ABHD18: variants seen among roughly 807,000 people sequenced by gnomAD.
ABHD18 encodes the protein abhydrolase domain containing 18, also known as cardiolipin-specific deacylase, mitochondrial.
In ABHD18, 55 loss-of-function variants were observed where a neutral mutation model predicts 65.9. That is an observed-to-expected ratio of 0.84 (90% CI 0.67 to 1.05). ABHD18 has a LOEUF of 1.05. Among genes scored for constraint, ABHD18 ranks in the 50% least tolerant of loss-of-function variants. The pLI, the probability that ABHD18 is intolerant of heterozygous loss-of-function variation, is 0.00. For missense variants in ABHD18, 533 were observed against 558.5 expected (o/e 0.95, Z 0.46); for synonymous variants, 181 against 180.2 (o/e 1.00, Z -0.04).
intron 10 of ABHD18, among the ~76,000 whole-genome samples, chr4:128,026,672 T>G (rs780946645): frequency 7.9e-5 from 12 of 152,280 alleles, no homozygotes; most frequent in Non-Finnish European, 1.5e-4. Context: ...TATAACAAAG[T>G]TTATTTTTAC....
At chr4:128,011,816 G>C in intron 7 of ABHD18, 116 bp downstream of exon 7, 2 of 455,112 alleles carry the variant, frequency 4.4e-6, no homozygotes, top group Non-Finnish European at 3.7e-6. Flanking sequence ...ATTATGGGGG[G>C]GGGGAGTTCT....
At chr4:127,998,980 G>A (rs1472690599) in intron 4 of ABHD18, among the ~76,000 whole-genome samples, 2 of 151,972 alleles carry the variant, frequency 1.3e-5, no homozygotes, top group Admixed American at 6.6e-5. Flanking sequence ...CTATGGAAGC[G>A]ATATAGTTGT....
At chr4:127,970,670 A>C (rs988888680) in intron 1 of ABHD18, among the ~76,000 whole-genome samples, 1 of 151,814 alleles carries the variant, frequency 6.6e-6, no homozygotes, top group Non-Finnish European at 1.5e-5. Flanking sequence ...ATCTGGGTGC[A>C]GTTGCTCATG....
intron 4 of ABHD18, among the ~76,000 whole-genome samples, chr4:127,998,547 T>TA (rs1752149152): frequency 6.6e-6 from 1 of 151,592 alleles, no homozygotes; most frequent in African/African-American, 2.4e-5. Context: ...CTGACTTTTT[T>TA]TTTTTTTTTA....
At chr4:128,007,223 G>A (rs765166266) in intron 4 of ABHD18, among the ~76,000 whole-genome samples, 4 of 151,926 alleles carry the variant, frequency 2.6e-5, no homozygotes, top group African/African-American at 7.3e-5. Context: ...GGAGGCTGAG[G>A]TGGGAGGACT....
rs1491465466 is a variant in ABHD18, at chr4:128,039,143, GCA to G, written c.*3331_*3332del. ...ATATGTATTATATATACACACATAT[GCA>G]TATATATATATATATATATATATAT... On this transcript the variant is annotated 3_prime_UTR_variant, in exon 13 of 13. Coordinates refer to ENST00000645843, the MANE Select transcript of ABHD18 (RefSeq NM_001358451.3). 18 of 37,736 alleles carry G rather than the reference GCA, an allele frequency of 4.8e-4. No homozygotes were observed. In the East Asian group the frequency reaches 0.01, roughly 22 times the overall value. The allele number at this position is 37,736 out of a possible 1,614,324, so 2.3% of individuals were successfully genotyped here.
chr4:128,023,137 AAG>A (rs1351354110), intron 10 of ABHD18, among the ~76,000 whole-genome samples: 1 of 152,170 alleles, frequency 6.6e-6, no homozygotes, highest in African/African-American at 2.4e-5. Context: ...CTTCAAAAAA[AAG>A]AAATCTTTCT....
chr4:127,988,813 G>T (rs548034384), intron 3 of ABHD18, among the ~76,000 whole-genome samples: 2 of 152,136 alleles, frequency 1.3e-5, no homozygotes, highest in Admixed American at 6.6e-5. Flanking sequence ...AGGAAACCTC[G>T]TACAGTGTTG....
intron 7 of ABHD18, among the ~76,000 whole-genome samples, chr4:128,016,590 C>A (rs1269518048): frequency 1.3e-5 from 2 of 151,976 alleles, no homozygotes; most frequent in African/African-American, 2.4e-5. Flanking sequence ...GTCTGGCCAA[C>A]ATGGTGAAAC....
At chr4:127,997,683 C>T (rs563025522) in intron 4 of ABHD18, among the ~76,000 whole-genome samples, 1 of 152,314 alleles carries the variant, frequency 6.6e-6, no homozygotes, top group South Asian at 2.1e-4. Context: ...CACCTGGCGG[C>T]AGTAGGCAAC....
intron 1 of ABHD18, among the ~76,000 whole-genome samples, chr4:127,975,493 G>T (rs949505094): frequency 6.6e-6 from 1 of 152,084 alleles, no homozygotes; most frequent in African/African-American, 2.4e-5. Flanking sequence ...TCCTTCCTTT[G>T]TATGACTGAA....
At chr4:128,002,272 C>CTT (rs550629514) in intron 4 of ABHD18, among the ~76,000 whole-genome samples, 34 of 144,044 alleles carry the variant, frequency 2.4e-4, no homozygotes, top group East Asian at 8.3e-4. Flanking sequence ...AAGGCTCCAT[C>CTT]TTTTTTTTTT....
intron 1 of ABHD18, among the ~76,000 whole-genome samples, chr4:127,975,019 A>G (rs1747640522): frequency 6.7e-6 from 1 of 149,884 alleles, no homozygotes; most frequent in South Asian, 2.1e-4. Flanking sequence ...AAAAAAAAAA[A>G]TAGTGAACTA....
chr4:128,009,203 TG>T lies in ABHD18; in HGVS notation c.442+13del. 1 of 1,404,920 alleles carries T rather than the reference TG, an allele frequency of 7.1e-7. No homozygotes were observed. Among genetic ancestry groups the T allele is most frequent in the Non-Finnish European group, 9.4e-7 (1 of 1,067,972 alleles). The allele number at this position is 1,404,920 out of a possible 1,614,324, so 87.0% of individuals were successfully genotyped here. A position where few individuals can be genotyped will look rare whatever the true frequency, so the allele number is the denominator to read the frequency against. On this transcript the variant is annotated intron_variant, in intron 6 of 12. Transcript: ENST00000645843. ...AGAAAACCCTTATTATATCCTTTTG[TG>T]ATATCTAAGAAATCTTTTGCCTTGT...
intron 7 of ABHD18, among the ~76,000 whole-genome samples, chr4:128,015,103 G>C (rs1034165684): frequency 3.0e-4 from 45 of 150,804 alleles, no homozygotes; most frequent in African/African-American, 1.1e-3. Context: ...AAATTAGCCA[G>C]ACATGATGGT....
At chr4:127,976,915 C>T (rs888716961) in intron 1 of ABHD18, among the ~76,000 whole-genome samples, 29 of 152,056 alleles carry the variant, frequency 1.9e-4, no homozygotes, top group African/African-American at 6.8e-4. Context: ...GTGGCGGGCA[C>T]CTATAGTCCT....
chr4:128,001,771 A>G, intron 4 of ABHD18: 1 of 1,544,364 alleles, frequency 6.5e-7, no homozygotes. Context: ...GTAGGTAACC[A>G]GTTATTTCTC....
rs1208912056 is a variant in ABHD18, at chr4:128,020,127, T to C, written c.657T>C (p.Ile219=). ...ACTGGCCTAAGCCCATGCCATTGAT[T>C]CCATGCCTGTCTTGGTCCACAGCAT... The part of the protein sequence containing the change: ...VSNWPKPMPL[I]PCLSWSTASG... Residue 219 remains isoleucine (I), a synonymous_variant, in exon 9 of 13, where the codon ATT becomes ATC. Transcript: ENST00000645843. The C allele has an allele frequency of 6.2e-7, 1 of 1,613,744 alleles. No individual in the cohort carries two copies. Among genetic ancestry groups the C allele is most frequent in the Non-Finnish European group, 8.5e-7 (1 of 1,179,746 alleles).
rs906091738 is a variant in ABHD18 at position 128,038,256 on chromosome 4, C to A, written c.*2443C>A. ...CAATTTTACATGTTCAGATGAGAAC[C>A]TTTAGTTTTAACCAAAAGTATAACA... is the stretch of plus-strand genomic sequence containing the variant. On this transcript the variant is annotated 3_prime_UTR_variant, in exon 13 of 13. Coordinates refer to ENST00000645843, the MANE Select transcript of ABHD18 (RefSeq NM_001358451.3). The A allele has an allele frequency of 6.6e-6, 1 of 152,152 alleles. No individual in the cohort carries two copies. The highest frequency in any genetic ancestry group is 1.5e-5 in the Non-Finnish European group (1 of 68,010). The allele number at this position is 152,152 out of a possible 1,614,324, so 9.4% of individuals were successfully genotyped here. A position where few individuals can be genotyped will look rare whatever the true frequency, so the allele number is the denominator to read the frequency against.
Sources: allele counts gnomAD v4.1 joint callset (sites outside exome capture counted in the v4.1 genomes callset), GRCh38; gene constraint gnomAD v4.1.1; transcripts MANE v1.5; gene names NCBI Gene and HGNC (gene_info 2026-07-23, HGNC 2026-07-21).